Variants in ATRNL1 observed in about 807,000 individuals in gnomAD.
ATRNL1 encodes the protein attractin-like protein 1.
A neutral mutation model predicts 182.7 loss-of-function variants in ATRNL1; 95 were observed. The observed-to-expected ratio is 0.52, with a 90% confidence interval of 0.44 to 0.62. The LOEUF (loss-of-function observed/expected upper bound fraction) is 0.62, where lower values mean the gene tolerates loss of function less well. Ranked by LOEUF, ATRNL1 falls within the 20% of genes least tolerant of loss-of-function variation. ATRNL1 has a pLI of 0.00. For missense variants in ATRNL1, 1,471 were observed against 1,679.5 expected (o/e 0.88, Z 2.17); for synonymous variants, 576 against 568.3 (o/e 1.01, Z -0.19).
intron 19 of ATRNL1, among the ~76,000 whole-genome samples, chr10:115,371,339 G>A (rs1040081855): frequency 1.3e-5 from 2 of 152,110 alleles, no homozygotes; most frequent in Admixed American, 1.3e-4. Flanking sequence ...CCAACAGCTG[G>A]CACCCTGCAT....
At chr10:115,266,385 G>A (rs1195324886) in intron 11 of ATRNL1, among the ~76,000 whole-genome samples, 1 of 151,520 alleles carries the variant, frequency 6.6e-6, no homozygotes, top group Non-Finnish European at 1.5e-5. Flanking sequence ...GTTCTAAAGT[G>A]TGTCTTGTCC....
chr10:115,230,870 T>TGAGAGAGA lies in ATRNL1; in HGVS notation c.1533-10656_1533-10649dup, dbSNP rs1169884107. Reference sequence around the variant, plus strand: ...ACTAGGGGACTGGATATAGAGTGGATGAGAGAGAGAGAGAGAGAGAGAGAG... The same window carrying TGAGAGAGA: ...ACTAGGGGACTGGATATAGAGTGGATGAGAGAGAGAGAGAGAGAGAGAGAGAGAGAGAG... On this transcript the variant is annotated intron_variant, in intron 9 of 28. Transcript: ENST00000355044. Among the ~76,000 whole-genome samples the TGAGAGAGA allele has an allele frequency of 7.5e-3, 630 of 83,526 alleles. 1 individual carries two copies. Among genetic ancestry groups the TGAGAGAGA allele is most frequent in the Non-Finnish European group, 9.0e-3 (409 of 45,424 alleles). The allele number at this position is 83,526 out of a possible 152,430, so 54.8% of individuals were successfully genotyped here.
rs534619329 is a variant in ATRNL1, at chr10:115,149,879, T to G, written c.830-10161T>G. Among the ~76,000 whole-genome samples the G allele has an allele frequency of 3.4e-3, 505 of 149,448 alleles. 1 individual carries two copies. Among genetic ancestry groups the G allele is most frequent in the African/African-American group, 0.012 (488 of 41,186 alleles). ...TAGGGACAATTGTCTCCTTTTCCTT[T>G]TTTTTTTTTTTTTTGGACTAGCTTG... On this transcript the variant is annotated intron_variant, in intron 5 of 28. Transcript: ENST00000355044.
At chr10:115,446,907 T>A (rs1169783831) in intron 21 of ATRNL1, among the ~76,000 whole-genome samples, 1 of 151,986 alleles carries the variant, frequency 6.6e-6, no homozygotes, top group African/African-American at 2.4e-5. Flanking sequence ...AAAGGTGGTT[T>A]GCTGATTGTT....
At chr10:115,834,013 T>C (rs10787606) in intron 27 of ATRNL1, among the ~76,000 whole-genome samples, 71,104 of 151,830 alleles carry the variant, frequency 0.47, 18,294 homozygotes, top group East Asian at 0.76. Flanking sequence ...TGTGCTATGC[T>C]CAACTGCCGG....
intron 8 of ATRNL1, among the ~76,000 whole-genome samples, chr10:115,177,894 TGTTTTTTTG>T (rs1847582812): frequency 7.0e-6 from 1 of 143,164 alleles, no homozygotes; most frequent in African/African-American, 2.6e-5. Flanking sequence ...TTTTTGGTTT[TGTTTTTTTG>T]TTTTTTTTGT....
At chr10:115,895,668 C>T (rs1952188418) in intron 28 of ATRNL1, among the ~76,000 whole-genome samples, 1 of 152,174 alleles carries the variant, frequency 6.6e-6, no homozygotes. Flanking sequence ...GAGTAAGACT[C>T]GGACCCGGTG....
intron 8 of ATRNL1, among the ~76,000 whole-genome samples, chr10:115,190,479 C>T (rs782003879): frequency 2.6e-5 from 4 of 152,040 alleles, no homozygotes; most frequent in Non-Finnish European, 5.9e-5. Context: ...CCTTAAAAGG[C>T]AGCCATTCTA....
intron 6 of ATRNL1, among the ~76,000 whole-genome samples, chr10:115,163,260 T>G (rs1425829466): frequency 2.0e-5 from 3 of 151,954 alleles, no homozygotes; most frequent in African/African-American, 4.8e-5. Context: ...GCCTGGAAAC[T>G]AAGAATTTTT....
chr10:115,427,717 T>C (rs899708953), intron 21 of ATRNL1, among the ~76,000 whole-genome samples: 1 of 152,140 alleles, frequency 6.6e-6, no homozygotes, highest in Non-Finnish European at 1.5e-5. Flanking sequence ...GCACCTTTGC[T>C]GAAAAACACT....
In ATRNL1 at chr10:115,096,510, T is replaced by C. The variant is rs1229990220; in HGVS notation, c.293+2467T>C. ...CTAGAAAATCTCACTTCACTAACTA[T>C]CTTGAAAATCTTTTTCTAAACTGAA... On this transcript the variant is annotated intron_variant, in intron 1 of 28. Transcript: ENST00000355044. 6 of 433,764 alleles carry C rather than the reference T, an allele frequency of 1.4e-5. No homozygotes were observed. In the East Asian group the frequency reaches 4.5e-4, roughly 33 times the overall value. 26.9% of individuals were successfully genotyped at this position (433,764 alleles called of 1,614,324 possible). A position where few individuals can be genotyped will look rare whatever the true frequency, so the allele number is the denominator to read the frequency against.
At chr10:115,423,511 G>A (rs540231022) in intron 20 of ATRNL1, among the ~76,000 whole-genome samples, 7 of 152,220 alleles carry the variant, frequency 4.6e-5, no homozygotes, top group Admixed American at 1.3e-4. Flanking sequence ...CTGGGCAACC[G>A]AGTGAGACTG....
intron 26 of ATRNL1, among the ~76,000 whole-genome samples, chr10:115,595,745 GGATT>G (rs1190280157): frequency 3.4e-4 from 52 of 151,578 alleles, no homozygotes; most frequent in African/African-American, 1.1e-3. Context: ...AGTATTTTAT[GGATT>G]GATTATTATT....
chr10:115,779,145 A>C (rs1258671902), intron 27 of ATRNL1, among the ~76,000 whole-genome samples: 2 of 152,194 alleles, frequency 1.3e-5, no homozygotes, highest in Non-Finnish European at 2.9e-5. Flanking sequence ...GAAGCACTTA[A>C]AGAAGCTTCA....
Position 115,121,791 on chromosome 10 carries a change from C to A in ATRNL1, c.470C>A (p.Ala157Glu). Residue 157 changes from alanine to glutamate, a missense_variant, in exon 3 of 29, where the codon GCA (alanine) becomes GAA (glutamate). By Grantham distance (107) the Ala-to-Glu change is moderately radical. Transcript: ENST00000355044. ...MYVYDGDSIY[A>E]PLIAVLSGLI... ...GTTTATGATGGAGATTCAATATATG[C>A]ACCTTTAATAGCTGTACTTAGGTGA... The A allele has an allele frequency of 6.5e-7, 1 of 1,527,964 alleles. No individual in the cohort carries two copies. Among genetic ancestry groups the A allele is most frequent in the Non-Finnish European group, 8.9e-7 (1 of 1,119,998 alleles). The allele number at this position is 1,527,964 out of a possible 1,614,324, so 94.7% of individuals were successfully genotyped here. A position where few individuals can be genotyped will look rare whatever the true frequency, so the allele number is the denominator to read the frequency against.
At chr10:115,534,113 A>G (rs1215510065) in intron 25 of ATRNL1, among the ~76,000 whole-genome samples, 4 of 152,176 alleles carry the variant, frequency 2.6e-5, no homozygotes, top group Admixed American at 6.5e-5. Context: ...GTAGATGTCT[A>G]TTAGGTCTGC....
intron 24 of ATRNL1, among the ~76,000 whole-genome samples, chr10:115,473,476 A>C (rs1040194671): frequency 6.6e-6 from 1 of 151,260 alleles, no homozygotes; most frequent in African/African-American, 2.4e-5. Context: ...AACTTAGTCC[A>C]TCTATTTAAC....
At chr10:115,203,410 G>A (rs1410782358) in intron 8 of ATRNL1, among the ~76,000 whole-genome samples, 1 of 151,998 alleles carries the variant, frequency 6.6e-6, no homozygotes, top group African/African-American at 2.4e-5. Flanking sequence ...GCCCCCTCAT[G>A]TCTTAACTGT....
intron 19 of ATRNL1, among the ~76,000 whole-genome samples, chr10:115,388,002 T>A (rs571065192): frequency 6.6e-6 from 1 of 152,340 alleles, no homozygotes; most frequent in African/African-American, 2.4e-5. Flanking sequence ...TACCACTTTG[T>A]GTAAGGTACT....
Sources: allele counts gnomAD v4.1 joint callset (sites outside exome capture counted in the v4.1 genomes callset), GRCh38; gene constraint gnomAD v4.1.1; transcripts MANE v1.5; gene names NCBI Gene and HGNC (gene_info 2026-07-23, HGNC 2026-07-21).